Variants in PRKCB observed in about 807,000 individuals in gnomAD.
The protein encoded by PRKCB is protein kinase C beta type.
In PRKCB, 13 loss-of-function variants were observed where a neutral mutation model predicts 81.5. The observed-to-expected ratio is 0.16, with a 90% confidence interval of 0.10 to 0.25. The LOEUF (loss-of-function observed/expected upper bound fraction) is 0.25, where lower values mean the gene tolerates loss of function less well. Among genes scored for constraint, PRKCB ranks in the 10% least tolerant of loss-of-function variants. PRKCB has a pLI of 1.00. For synonymous variants in PRKCB, 335 were observed against 321.4 expected (o/e 1.04, Z -0.45); for missense variants, 509 against 875.7 (o/e 0.58, Z 5.29).
At chr16:23,884,150 T>C (rs1360662616) in intron 2 of PRKCB, among the ~76,000 whole-genome samples, 1 of 152,210 alleles carries the variant, frequency 6.6e-6, no homozygotes, top group African/African-American at 2.4e-5. Context: ...AGCACAGTTA[T>C]AGATGAGGAA....
rs9938077 is a variant in PRKCB at position 24,202,058 on chromosome 16, A to T, written c.1863+10828A>T. Among the ~76,000 whole-genome samples, 330 of 152,074 alleles carry T rather than the reference A, an allele frequency of 2.2e-3. 1 individual carries two copies. Among genetic ancestry groups the T allele is most frequent in the African/African-American group, 7.5e-3 (313 of 41,516 alleles). ...CTCAAAAAAAAAAAAAAAGAAAAAAAGAAAAATAAAGCCACTGTCACTAGA... is the reference window on the plus strand; with the variant it reads ...CTCAAAAAAAAAAAAAAAGAAAAAATGAAAAATAAAGCCACTGTCACTAGA... On this transcript the variant is annotated intron_variant, in intron 16 of 16. Transcript: ENST00000643927.
intron 2 of PRKCB, among the ~76,000 whole-genome samples, chr16:23,903,002 T>A (rs1183919689): frequency 6.7e-6 from 1 of 148,418 alleles, no homozygotes; most frequent in Non-Finnish European, 1.5e-5. Context: ...TTTTTTTTTT[T>A]TTCCTTTTTC....
chr16:23,865,188 G>A (rs894966973), intron 2 of PRKCB, among the ~76,000 whole-genome samples: 2 of 151,662 alleles, frequency 1.3e-5, no homozygotes, highest in Non-Finnish European at 2.9e-5. Context: ...AGAGGAAATG[G>A]GTAAATTTCC....
chr16:24,034,054 G>A (rs1258599802), intron 4 of PRKCB, among the ~76,000 whole-genome samples: 1 of 152,114 alleles, frequency 6.6e-6, no homozygotes, highest in Non-Finnish European at 1.5e-5. Context: ...GCAGCAACGT[G>A]GAAACAGAGA....
In PRKCB at chr16:24,021,240, T is replaced by TC. The variant is rs1177144813; in HGVS notation, c.289-10896_289-10895insC. ...TTTCTTTCTTTCTTTCTTTCCTTCC[T>TC]TCCTTCCTTCTTCCTTTCTTCCTTT... On this transcript the variant is annotated intron_variant, in intron 3 of 16. Transcript: ENST00000643927. 1.9e-4 allele frequency among the ~76,000 whole-genome samples: 22 copies of TC among 116,548 alleles called. 5 individuals carry two copies. Among genetic ancestry groups the TC allele is most frequent in the South Asian group, 3.5e-4 (1 of 2,890 alleles). The allele number at this position is 116,548 out of a possible 152,430, so 76.5% of individuals were successfully genotyped here. A position where few individuals can be genotyped will look rare whatever the true frequency, so the allele number is the denominator to read the frequency against.
At chr16:23,998,712 G>A (rs541106579) in intron 3 of PRKCB, among the ~76,000 whole-genome samples, 2 of 152,318 alleles carry the variant, frequency 1.3e-5, no homozygotes, top group South Asian at 2.1e-4. Flanking sequence ...AGCTATATAT[G>A]TGATGATGAT....
rs183591072 is a variant in PRKCB, at chr16:23,939,332, T to C, written c.206-49176T>C. ...CCCAAATTGATATACAGGTTTAATG[T>C]GATTCTTATAAAAATCCCAACAAAA... On this transcript the variant is annotated intron_variant, in intron 2 of 16. Transcript: ENST00000643927. Among the ~76,000 whole-genome samples, 5 of 152,332 alleles carry C rather than the reference T, an allele frequency of 3.3e-5. No individual in the cohort carries two copies. The East Asian group carries it at 9.6e-4, about 29-fold the overall frequency.
At chr16:23,987,639 A>G (rs1964819200) in intron 2 of PRKCB, among the ~76,000 whole-genome samples, 1 of 152,092 alleles carries the variant, frequency 6.6e-6, no homozygotes. Flanking sequence ...GTCACTAGGG[A>G]TGGCCTTGAG....
intron 2 of PRKCB, among the ~76,000 whole-genome samples, chr16:23,887,694 T>C (rs552309088): frequency 6.6e-6 from 1 of 152,362 alleles, no homozygotes. Flanking sequence ...ATGATGTGTT[T>C]TCCTTTGGGT....
chr16:24,116,126 T>C (rs556335547), intron 8 of PRKCB, among the ~76,000 whole-genome samples: 1 of 152,320 alleles, frequency 6.6e-6, no homozygotes, highest in South Asian at 2.1e-4. Context: ...GGGCTCTAAA[T>C]TGCAGACATG....
intron 7 of PRKCB, among the ~76,000 whole-genome samples, chr16:24,097,991 G>T (rs1966464128): frequency 6.6e-6 from 1 of 152,152 alleles, no homozygotes; most frequent in South Asian, 2.1e-4. Context: ...GTTAATGCTG[G>T]TTGGCTTTTC....
intron 5 of PRKCB, among the ~76,000 whole-genome samples, chr16:24,082,085 A>T (rs1212865042): frequency 6.6e-6 from 1 of 152,194 alleles, no homozygotes; most frequent in Non-Finnish European, 1.5e-5. Flanking sequence ...TAACAACTAG[A>T]AACCAAAAAT....
chr16:24,194,468 T>G (rs2030133368), intron 16 of PRKCB, among the ~76,000 whole-genome samples: 1 of 152,150 alleles, frequency 6.6e-6, no homozygotes, highest in African/African-American at 2.4e-5. Flanking sequence ...ATCCCATGCA[T>G]TGTTGGTTTA....
intron 9 of PRKCB, among the ~76,000 whole-genome samples, chr16:24,150,443 G>A (rs1232347433): frequency 6.6e-6 from 1 of 152,180 alleles, no homozygotes; most frequent in Non-Finnish European, 1.5e-5. Context: ...TCAAATTCTT[G>A]GGAGGGGGAA....
chr16:24,196,391 A>T (rs574802633), intron 16 of PRKCB, among the ~76,000 whole-genome samples: 31 of 152,302 alleles, frequency 2.0e-4, no homozygotes, highest in African/African-American at 6.5e-4. Context: ...TTTATAAAGG[A>T]CTATAATTTG....
intron 2 of PRKCB, among the ~76,000 whole-genome samples, chr16:23,948,607 A>G (rs923582579): frequency 3.3e-5 from 5 of 151,992 alleles, no homozygotes; most frequent in East Asian, 1.9e-4. Flanking sequence ...AAGGTTCACC[A>G]TGTTGGCCAG....
intron 3 of PRKCB, among the ~76,000 whole-genome samples, chr16:24,020,976 T>TTCTTTCTTTCTTTCTTTCTTTCTTTC (rs60783634): frequency 1.1e-4 from 11 of 96,738 alleles, no homozygotes; most frequent in South Asian, 4.6e-4. Flanking sequence ...AGACTTTTCT[T>TTCTTTCTTTCTTTCTTTCTTTCTTTC]TTTCTTTCTT....
At chr16:24,001,905 C>CG (rs1442358245) in intron 3 of PRKCB, among the ~76,000 whole-genome samples, 1 of 152,162 alleles carries the variant, frequency 6.6e-6, no homozygotes, top group African/African-American at 2.4e-5. Flanking sequence ...CCAAGGACCT[C>CG]AAAGGCTGGA....
intron 2 of PRKCB, among the ~76,000 whole-genome samples, chr16:23,919,276 A>G (rs758335186): frequency 2.6e-5 from 4 of 152,132 alleles, no homozygotes; most frequent in Non-Finnish European, 2.9e-5. Flanking sequence ...CCTAGGATAC[A>G]TCCAAAACCA....
Sources: gnomAD v4.1 joint callset for allele counts (sites outside exome capture counted in the v4.1 genomes callset) on GRCh38, gnomAD v4.1.1 for gene constraint, MANE v1.5 for transcripts, NCBI Gene and HGNC (gene_info 2026-07-23, HGNC 2026-07-21) for gene names.